Variants in RABGAP1L observed in about 807,000 individuals in gnomAD.
RABGAP1L encodes RAB GTPase activating protein 1 like.
RABGAP1L carries 63 observed loss-of-function variants against 137.7 expected under a neutral mutation model. The observed-to-expected ratio is 0.46, with a 90% confidence interval of 0.37 to 0.56. The LOEUF is 0.56. Ranked by LOEUF, RABGAP1L falls within the 20% of genes least tolerant of loss-of-function variation. The pLI is 0.00. For missense variants in RABGAP1L, 1,095 were observed against 1,244.0 expected (o/e 0.88, Z 1.80); for synonymous variants, 431 against 433.7 (o/e 0.99, Z 0.08).
intron 19 of RABGAP1L, among the ~76,000 whole-genome samples, chr1:174,831,747 G>A (rs1422915929): frequency 6.8e-6 from 1 of 148,018 alleles, no homozygotes; most frequent in African/African-American, 2.5e-5. Context: ...CTAGCTTTAT[G>A]TCTAGATAAA....
chr1:174,573,739 T>A (rs1349761257), intron 13 of RABGAP1L, among the ~76,000 whole-genome samples: 2 of 144,884 alleles, frequency 1.4e-5, no homozygotes, highest in East Asian at 3.9e-4. Flanking sequence ...TCTTCAATTA[T>A]CATAATAAAC....
chr1:174,835,535 G>A (rs758149159), intron 19 of RABGAP1L, among the ~76,000 whole-genome samples: 18 of 152,186 alleles, frequency 1.2e-4, no homozygotes, highest in Non-Finnish European at 2.5e-4. Context: ...TGCAGATAAA[G>A]TAAAATATTC....
intron 19 of RABGAP1L, among the ~76,000 whole-genome samples, chr1:174,854,949 G>A (rs1649044420): frequency 6.6e-6 from 1 of 151,460 alleles, no homozygotes; most frequent in Non-Finnish European, 1.5e-5. Flanking sequence ...TGTTGGCCAG[G>A]CTGGTCTCGA....
chr1:174,525,004 G>A (rs1257694342), intron 13 of RABGAP1L, among the ~76,000 whole-genome samples: 5 of 151,916 alleles, frequency 3.3e-5, no homozygotes, highest in African/African-American at 7.2e-5. Flanking sequence ...TCGTCTTTTT[G>A]TCTGTTGTTG....
At chr1:174,364,835 T>C (rs1684474686) in intron 11 of RABGAP1L, among the ~76,000 whole-genome samples, 1 of 152,174 alleles carries the variant, frequency 6.6e-6, no homozygotes, top group Admixed American at 6.5e-5. Flanking sequence ...AGTTCTTTAG[T>C]TGGCAGATGA....
chr1:174,353,011 C>T (rs1471370999), intron 11 of RABGAP1L, among the ~76,000 whole-genome samples: 1 of 152,186 alleles, frequency 6.6e-6, no homozygotes, highest in Non-Finnish European at 1.5e-5. Flanking sequence ...ACCTTTGGGA[C>T]TGTTCTTTAT....
intron 1 of RABGAP1L, among the ~76,000 whole-genome samples, chr1:174,175,853 G>A (rs1665806081): frequency 6.6e-6 from 1 of 152,152 alleles, no homozygotes; most frequent in Admixed American, 6.6e-5. Flanking sequence ...TTGAACGCCT[G>A]ACCTCAGGTG....
chr1:174,884,315 T>C lies in RABGAP1L; in HGVS notation c.2340+72355T>C, dbSNP rs182335042. On this transcript the variant is annotated intron_variant, in intron 19 of 25. Transcript: ENST00000681986. ...TCCTCCTTATCGGATTGGCACAGAT[T>C]TCATCAAGCATGCCAAATTAAAAAA... Among the ~76,000 whole-genome samples, 9 of 152,316 alleles carry C rather than the reference T, an allele frequency of 5.9e-5. No individual in the cohort carries two copies. In the East Asian group the frequency reaches 1.7e-3, roughly 29 times the overall value.
At chr1:174,305,381 A>G (rs906447047) in intron 11 of RABGAP1L, among the ~76,000 whole-genome samples, 1 of 151,916 alleles carries the variant, frequency 6.6e-6, no homozygotes, top group African/African-American at 2.4e-5. Context: ...TTTTATTTCA[A>G]TTATTTTTAT....
intron 15 of RABGAP1L, among the ~76,000 whole-genome samples, chr1:174,686,703 C>G (rs1678495977): frequency 7.7e-6 from 1 of 129,050 alleles, no homozygotes; most frequent in Admixed American, 1.0e-4. Context: ...AGTTGCCAGG[C>G]TGGAGTGCAG....
At chr1:174,884,392 A>G (rs1016204942) in intron 19 of RABGAP1L, among the ~76,000 whole-genome samples, 22 of 152,230 alleles carry the variant, frequency 1.4e-4, no homozygotes, top group African/African-American at 5.3e-4. Flanking sequence ...AATAAAATCA[A>G]TACTGTTATT....
At chr1:174,590,348 A>AT (rs1235238656) in intron 13 of RABGAP1L, among the ~76,000 whole-genome samples, 36 of 101,496 alleles carry the variant, frequency 3.5e-4, no homozygotes, top group African/African-American at 9.3e-4. Context: ...TTTTTTTTTT[A>AT]TTTATTTTTT....
chr1:174,549,829 T>A (rs1248088220), intron 13 of RABGAP1L, among the ~76,000 whole-genome samples: 1 of 152,164 alleles, frequency 6.6e-6, no homozygotes, highest in Non-Finnish European at 1.5e-5. Context: ...CAGTTTATAA[T>A]CCCTTCCTTC....
intron 13 of RABGAP1L, among the ~76,000 whole-genome samples, chr1:174,427,572 G>T (rs758696332): frequency 2.0e-5 from 3 of 152,096 alleles, no homozygotes; most frequent in Non-Finnish European, 4.4e-5. Context: ...ACTGGCATAT[G>T]TAGGTCAGTT....
At chr1:174,819,639 AGCAGCATAT>A (rs1690816776) in intron 19 of RABGAP1L, among the ~76,000 whole-genome samples, 1 of 152,204 alleles carries the variant, frequency 6.6e-6, no homozygotes, top group Non-Finnish European at 1.5e-5. Context: ...CAGACTGAAA[AGCAGCATAT>A]GCAAAGCCTG....
intron 10 of RABGAP1L, among the ~76,000 whole-genome samples, chr1:174,295,611 C>T (rs1022768617): frequency 6.6e-6 from 1 of 151,540 alleles, no homozygotes; most frequent in Non-Finnish European, 1.5e-5. Context: ...GTCTCAAACT[C>T]CTGACATTGT....
At chr1:174,375,678 C>G (rs1234295840) in intron 12 of RABGAP1L, among the ~76,000 whole-genome samples, 6 of 152,078 alleles carry the variant, frequency 3.9e-5, no homozygotes, top group African/African-American at 1.4e-4. Flanking sequence ...CTGAATACTC[C>G]TGTATTAGTT....
chr1:174,174,101 A>G (rs2148249265), intron 1 of RABGAP1L, among the ~76,000 whole-genome samples: 1 of 152,224 alleles, frequency 6.6e-6, no homozygotes, highest in Admixed American at 6.5e-5. Context: ...ATTAAGGAGG[A>G]ATAATTTACA....
At chr1:174,868,616 T>G (rs1156880794) in intron 19 of RABGAP1L, among the ~76,000 whole-genome samples, 1 of 152,218 alleles carries the variant, frequency 6.6e-6, no homozygotes, top group Non-Finnish European at 1.5e-5. Context: ...TGATAGCCCA[T>G]AGTAATGGTG....
Sources: allele counts gnomAD v4.1 joint callset (sites outside exome capture counted in the v4.1 genomes callset), GRCh38; gene constraint gnomAD v4.1.1; transcripts MANE v1.5; gene names NCBI Gene and HGNC (gene_info 2026-07-23, HGNC 2026-07-21).